PTPRG: variants seen among roughly 807,000 people sequenced by gnomAD.
PTPRG encodes receptor-type tyrosine-protein phosphatase gamma.
Under a neutral mutation model 165.3 loss-of-function variants are expected in PTPRG, and 102 were observed. That is an observed-to-expected ratio of 0.62 (90% confidence interval 0.53 to 0.73). The LOEUF (loss-of-function observed/expected upper bound fraction) is 0.73, where lower values mean the gene tolerates loss of function less well. Ranked by LOEUF, PTPRG falls within the 30% of genes least tolerant of loss-of-function variation. The probability of loss-of-function intolerance (pLI) is 0.00; values close to 1 mark genes in which losing one functional copy is unlikely to be tolerated. For synonymous variants in PTPRG, 675 were observed against 669.5 expected, an observed-to-expected ratio of 1.01 and a Z score of -0.13; for missense variants, 1,866 against 1,861.4, an observed-to-expected ratio of 1.00 and a Z score of -0.05.
intron 4 of PTPRG, among the ~76,000 whole-genome samples, chr3:62,072,674 T>C (rs1296393258): frequency 6.6e-6 from 1 of 152,024 alleles, no homozygotes; most frequent in African/African-American, 2.4e-5. Context: ...TAGTATCTGC[T>C]ATCTCATGGA....
At chr3:61,810,692 T>C (rs773691670) in intron 2 of PTPRG, among the ~76,000 whole-genome samples, 7 of 152,212 alleles carry the variant, frequency 4.6e-5, no homozygotes, top group Non-Finnish European at 8.8e-5. Flanking sequence ...TCTGTCTGTG[T>C]AATGCAATTG....
chr3:62,113,968 G>C (rs187637104), intron 5 of PTPRG, among the ~76,000 whole-genome samples: 4 of 152,144 alleles, frequency 2.6e-5, no homozygotes, highest in African/African-American at 9.7e-5. Flanking sequence ...GTTTATGCCC[G>C]TATCCACTTA....
intron 2 of PTPRG, among the ~76,000 whole-genome samples, chr3:61,860,799 A>AAAT (rs1350563196): frequency 6.6e-6 from 1 of 152,144 alleles, no homozygotes; most frequent in Non-Finnish European, 1.5e-5. Flanking sequence ...CAGTTGTATA[A>AAAT]AATAATACAG....
rs564761041 is a variant in PTPRG at position 62,166,197 on chromosome 3, C to CTTTTTTTTTTTTTTTTTTTTTT, written c.841-1759_841-1738dup. Among the ~76,000 whole-genome samples, 9 of 53,932 alleles carry CTTTTTTTTTTTTTTTTTTTTTT rather than the reference C, an allele frequency of 1.7e-4. 2 individuals are homozygous for CTTTTTTTTTTTTTTTTTTTTTT. The highest frequency in any genetic ancestry group is 2.2e-4 in the African/African-American group (3 of 13,382). The allele number at this position is 53,932 out of a possible 152,430, so 35.4% of individuals were successfully genotyped here. ...TGGCTGCATATTTCAAATTACAGTT[C>CTTTTTTTTTTTTTTTTTTTTTT]TTTTTTTTTTTTTTTTTTTTTTTTT... On this transcript the variant is annotated intron_variant, in intron 7 of 29. Coordinates refer to ENST00000474889, the MANE Select transcript of PTPRG (RefSeq NM_002841.4).
At chr3:61,591,692 T>C (rs1014997039) in intron 1 of PTPRG, among the ~76,000 whole-genome samples, 2 of 152,132 alleles carry the variant, frequency 1.3e-5, no homozygotes, top group Middle Eastern at 6.3e-3. Flanking sequence ...AACTTGGTGG[T>C]GGAAGCATGA....
rs1703068911 is a variant in PTPRG, at chr3:62,296,536, T to C, written c.*3229T>C. 1 of 151,812 alleles carries C rather than the reference T, an allele frequency of 6.6e-6. No homozygotes were observed. The highest frequency in any genetic ancestry group is 2.4e-5 in the African/African-American group (1 of 41,348). The allele number at this position is 151,812 out of a possible 1,614,324, so 9.4% of individuals were successfully genotyped here. On this transcript the variant is annotated 3_prime_UTR_variant, in exon 30 of 30. Transcript: ENST00000474889. ...TCATCATAATTTAAGAATCAAAATG[T>C]AGTTTGTCTTAAGAATTTAGTGGTT...
rs1700808207 is a variant in PTPRG at position 62,228,128 on chromosome 3, T to C, written c.2289-3097T>C. ...AGTGATCAAGGAAAATAGTGTGTTC[T>C]GGGAAGGACTCTGACCACAGCCAGG... On this transcript the variant is annotated intron_variant, in intron 13 of 29. Transcript: ENST00000474889. The surrounding 1 kb of genome is among the most constrained non-coding windows in gnomAD (Gnocchi z 4.1). Among the ~76,000 whole-genome samples the C allele has an allele frequency of 1.3e-5, 2 of 152,018 alleles. No homozygotes were observed. The highest frequency in any genetic ancestry group is 1.3e-4 in the Admixed American group (2 of 15,276).
At chr3:62,037,111 A>G (rs1219430902) in intron 4 of PTPRG, among the ~76,000 whole-genome samples, 1 of 152,152 alleles carries the variant, frequency 6.6e-6, no homozygotes, top group Non-Finnish European at 1.5e-5. Flanking sequence ...AGAAGTACTC[A>G]TTTTATCCCT....
intron 5 of PTPRG, among the ~76,000 whole-genome samples, chr3:62,115,180 A>G: frequency 6.6e-6 from 1 of 152,160 alleles, no homozygotes; most frequent in East Asian, 1.9e-4. Flanking sequence ...TGACCTGACT[A>G]CCAACCAGAC....
rs533063411 is a variant in PTPRG, at chr3:61,632,045, C to T, written c.85+69673C>T. Among the ~76,000 whole-genome samples the T allele has an allele frequency of 4.9e-4, 74 of 152,252 alleles. 5 individuals are homozygous for T. The South Asian group carries it at 0.015, about 32-fold the overall frequency. ...GTCAGCTGGGTGCCGTGGCTCACACCTATAATCCTAACACTTTGGGAGGCT... is the reference window on the plus strand; with the variant it reads ...GTCAGCTGGGTGCCGTGGCTCACACTTATAATCCTAACACTTTGGGAGGCT... On this transcript the variant is annotated intron_variant, in intron 1 of 29. Coordinates refer to ENST00000474889, the MANE Select transcript of PTPRG (RefSeq NM_002841.4).
chr3:62,194,304 G>A (rs1310776022), intron 9 of PTPRG, among the ~76,000 whole-genome samples: 1 of 152,192 alleles, frequency 6.6e-6, no homozygotes, highest in Non-Finnish European at 1.5e-5. Context: ...AGCAAGGTTT[G>A]CTGGGCCTAT....
chr3:62,124,205 C>G (rs1397479868), intron 5 of PTPRG: 1 of 902,270 alleles, frequency 1.1e-6, no homozygotes, highest in Non-Finnish European at 1.8e-6. Context: ...CATGATTATT[C>G]AGCCACACAG....
rs200507518 is a variant in PTPRG at position 62,231,239 on chromosome 3, T to A, written c.2303T>A (p.Ile768Lys). 1 of 1,577,640 alleles carries A rather than the reference T, an allele frequency of 6.3e-7. No individual in the cohort carries two copies. The highest frequency in any genetic ancestry group is 2.3e-5 in the East Asian group (1 of 42,806). ...TGTCCATTTAGAGGGTGTAACAAAA[T>A]AAAGTCCAAGGGCTTTCCCAGACGT... ...VLVYWRGCNK[I>K]KSKGFPRRFR... The change falls in exon 14 of 30, where the codon ATA becomes AAA. Residue 768 changes from isoleucine (I) to lysine (K), a missense_variant. By Grantham distance (102) the Ile-to-Lys change is moderately radical. Around this residue, in one of 3 missense-constraint regions of PTPRG, gnomAD observed 1,452 missense variants for 1,463.0 expected, o/e 0.99. Coordinates refer to ENST00000474889, the MANE Select transcript of PTPRG (RefSeq NM_002841.4).
At chr3:61,732,602 G>T (rs557804573) in intron 1 of PTPRG, among the ~76,000 whole-genome samples, 1 of 150,830 alleles carries the variant, frequency 6.6e-6, no homozygotes, top group Non-Finnish European at 1.5e-5. Flanking sequence ...CCAGCTACTC[G>T]GGAGGCTGAG....
At chr3:61,895,585 C>A (rs1387081226) in intron 2 of PTPRG, among the ~76,000 whole-genome samples, 3 of 152,144 alleles carry the variant, frequency 2.0e-5, no homozygotes, top group Non-Finnish European at 4.4e-5. Flanking sequence ...AGTAGGCCAC[C>A]TTTTGACTTT....
chr3:61,703,018 A>G (rs2031056343), intron 1 of PTPRG, among the ~76,000 whole-genome samples: 1 of 152,204 alleles, frequency 6.6e-6, no homozygotes, highest in African/African-American at 2.4e-5. Flanking sequence ...AATGTAATTC[A>G]TACGGTGGGT....
At chr3:61,630,750 G>A (rs1040085018) in intron 1 of PTPRG, among the ~76,000 whole-genome samples, 2 of 152,118 alleles carry the variant, frequency 1.3e-5, no homozygotes, top group Non-Finnish European at 2.9e-5. Flanking sequence ...TAAGTAGATT[G>A]TCAACTACTT....
chr3:61,827,278 C>T (rs1456950894), intron 2 of PTPRG, among the ~76,000 whole-genome samples: 2 of 152,178 alleles, frequency 1.3e-5, no homozygotes, highest in Admixed American at 1.3e-4. Context: ...TGCGGCATAA[C>T]GTAGTTCACC....
At chr3:61,963,634 A>G (rs1261706020) in intron 2 of PTPRG, among the ~76,000 whole-genome samples, 2 of 152,196 alleles carry the variant, frequency 1.3e-5, no homozygotes, top group African/African-American at 4.8e-5. Context: ...TCTCTGTTGT[A>G]TCAAGTATAA....
Sources: allele counts gnomAD v4.1 joint callset (sites outside exome capture counted in the v4.1 genomes callset), GRCh38; gene constraint gnomAD v4.1.1; regional missense constraint gnomAD v4.1.1; non-coding constraint Gnocchi (gnomAD v3.1); transcripts MANE v1.5; gene names NCBI Gene and HGNC (gene_info 2026-07-23, HGNC 2026-07-21).